Variants in GPC5 observed in about 807,000 individuals in gnomAD.
The protein encoded by GPC5 is glypican-5.
GPC5 carries 47 observed loss-of-function variants against 53.9 expected under a neutral mutation model. That is an observed-to-expected ratio of 0.87 (90% CI 0.69 to 1.11). GPC5 has a LOEUF of 1.11. Among genes scored for constraint, GPC5 ranks in the 50% most tolerant of loss-of-function variants. The pLI, the probability that GPC5 is intolerant of heterozygous loss-of-function variation, is 0.00. For missense variants in GPC5, 748 were observed against 713.1 expected (o/e 1.05, Z -0.56); for synonymous variants, 286 against 263.3 (o/e 1.09, Z -0.84).
At chr13:92,834,562 T>G (rs1205476251) in intron 7 of GPC5, among the ~76,000 whole-genome samples, 1 of 152,130 alleles carries the variant, frequency 6.6e-6, no homozygotes, top group African/African-American at 2.4e-5. Context: ...CTTCAAAAAA[T>G]CAATACAATT....
intron 5 of GPC5, among the ~76,000 whole-genome samples, chr13:91,787,563 G>C (rs1271117398): frequency 6.6e-6 from 1 of 152,148 alleles, no homozygotes; most frequent in South Asian, 2.1e-4. Flanking sequence ...GCTGAAGAAA[G>C]TAGGGGGAGA....
intron 2 of GPC5, among the ~76,000 whole-genome samples, chr13:91,685,227 C>T (rs564566940): frequency 1.3e-5 from 2 of 152,234 alleles, no homozygotes; most frequent in East Asian, 1.9e-4. Context: ...GTCTCTGGAG[C>T]CCAGGCAGTT....
intron 7 of GPC5, among the ~76,000 whole-genome samples, chr13:92,521,162 G>A (rs765822313): frequency 6.6e-5 from 10 of 152,116 alleles, no homozygotes; most frequent in South Asian, 2.1e-4. Context: ...CCATGCTCAC[G>A]GGTGGGAAGA....
chr13:91,915,366 G>A (rs533734626), intron 6 of GPC5, among the ~76,000 whole-genome samples: 32 of 152,142 alleles, frequency 2.1e-4, no homozygotes, highest in African/African-American at 6.7e-4. Flanking sequence ...TCAATTGTCC[G>A]CATAAAACAA....
intron 7 of GPC5, chr13:92,706,160 A>AAAAATTCCTTTAATATCTC (rs1887944250): frequency 6.6e-6 from 1 of 152,056 alleles, no homozygotes; most frequent in Non-Finnish European, 1.5e-5. Context: ...ATGAACAGAA[A>AAAAATTCCTTTAATATCTC]AAAATTCCTT....
At chr13:92,125,402 A>C (rs1473073486) in intron 6 of GPC5, among the ~76,000 whole-genome samples, 1 of 152,218 alleles carries the variant, frequency 6.6e-6, no homozygotes, top group Non-Finnish European at 1.5e-5. Flanking sequence ...GCATGGAGAT[A>C]ATGACAGAAA....
At chr13:92,706,282 T>C (rs920497449) in intron 7 of GPC5, among the ~76,000 whole-genome samples, 1 of 152,140 alleles carries the variant, frequency 6.6e-6, no homozygotes, top group African/African-American at 2.4e-5. Context: ...TTAAAAGTTA[T>C]AATTCAAATT....
chr13:91,791,114 C>T (rs2138747438), intron 5 of GPC5, among the ~76,000 whole-genome samples: 1 of 152,250 alleles, frequency 6.6e-6, no homozygotes, highest in East Asian at 1.9e-4. Flanking sequence ...AGCCGTGAGA[C>T]CCAGAATAAA....
chr13:92,824,862 A>G (rs922315492), intron 7 of GPC5, among the ~76,000 whole-genome samples: 1 of 152,126 alleles, frequency 6.6e-6, no homozygotes, highest in African/African-American at 2.4e-5. Context: ...ATTTTCATTA[A>G]TAGTTCATAT....
chr13:91,506,915 A>C (rs972147577), intron 2 of GPC5, among the ~76,000 whole-genome samples: 4 of 152,178 alleles, frequency 2.6e-5, no homozygotes, highest in African/African-American at 9.7e-5. Flanking sequence ...AAACATGCCA[A>C]TGCTGAGAAA....
At chr13:92,582,360 A>T (rs1296350418) in intron 7 of GPC5, among the ~76,000 whole-genome samples, 3 of 152,034 alleles carry the variant, frequency 2.0e-5, no homozygotes, top group Non-Finnish European at 4.4e-5. Flanking sequence ...ACCAAAAATG[A>T]GTAGATGTTT....
chr13:92,777,060 G>A (rs889537414), intron 7 of GPC5, among the ~76,000 whole-genome samples: 95 of 149,710 alleles, frequency 6.3e-4, no homozygotes, highest in Admixed American at 2.9e-3. Context: ...GGCTGGGTGT[G>A]GTGGCTTAAG....
chr13:91,425,552 C>T (rs1324531618), intron 1 of GPC5, among the ~76,000 whole-genome samples: 2 of 152,204 alleles, frequency 1.3e-5, no homozygotes, highest in African/African-American at 4.8e-5. Flanking sequence ...TCTCATCTGC[C>T]ACCATTCAAG....
chr13:92,005,049 C>T (rs1218216243), intron 6 of GPC5, among the ~76,000 whole-genome samples: 5 of 152,170 alleles, frequency 3.3e-5, no homozygotes, highest in Non-Finnish European at 5.9e-5. Context: ...TATGAATCTC[C>T]TTTGGCAACA....
intron 6 of GPC5, among the ~76,000 whole-genome samples, chr13:91,952,236 G>A (rs2040033733): frequency 6.6e-6 from 1 of 151,590 alleles, no homozygotes; most frequent in Non-Finnish European, 1.5e-5. Context: ...TGTGCTCCAG[G>A]CACTGCAGTG....
At chr13:91,807,718 T>C (rs1028796849) in intron 5 of GPC5, among the ~76,000 whole-genome samples, 1 of 152,108 alleles carries the variant, frequency 6.6e-6, no homozygotes, top group Non-Finnish European at 1.5e-5. Context: ...GACAAACGAA[T>C]TGATCGCCTA....
intron 4 of GPC5, among the ~76,000 whole-genome samples, chr13:91,738,019 A>G (rs961727250): frequency 2.0e-5 from 3 of 151,434 alleles, no homozygotes; most frequent in African/African-American, 4.9e-5. Context: ...AAAGGAATAC[A>G]GAGCTGGATC....
At chr13:92,515,421 T>G (rs1292840442) in intron 7 of GPC5, among the ~76,000 whole-genome samples, 1 of 152,096 alleles carries the variant, frequency 6.6e-6, no homozygotes, top group Non-Finnish European at 1.5e-5. Context: ...AGATTTTTGG[T>G]TTTTGTACAG....
At chr13:92,776,422 G>T (rs2138755514) in intron 7 of GPC5, among the ~76,000 whole-genome samples, 1 of 152,028 alleles carries the variant, frequency 6.6e-6, no homozygotes, top group East Asian at 1.9e-4. Context: ...GATCCCACGG[G>T]GCCCACCCGG....
Sources: gnomAD v4.1 joint callset for allele counts (sites outside exome capture counted in the v4.1 genomes callset) on GRCh38, gnomAD v4.1.1 for gene constraint, MANE v1.5 for transcripts, NCBI Gene and HGNC (gene_info 2026-07-23, HGNC 2026-07-21) for gene names.